Variants in USP43 observed in about 807,000 individuals in gnomAD.
USP43 encodes ubiquitin specific peptidase 43.
In USP43, 33 loss-of-function variants were observed where a neutral mutation model predicts 90.7. That is an observed-to-expected ratio of 0.36 (90% CI 0.28 to 0.49). The LOEUF is 0.49. USP43 is among the 20% of genes least tolerant of loss of function. The probability of loss-of-function intolerance (pLI) is 0.98; values close to 1 mark genes in which losing one functional copy is unlikely to be tolerated. For synonymous variants in USP43, 598 were observed against 615.8 expected, an observed-to-expected ratio of 0.97 and a Z score of 0.43; for missense variants, 1,274 against 1,476.4, an observed-to-expected ratio of 0.86 and a Z score of 2.25.
In USP43 at chr17:9,709,225, T is replaced by C. The variant is rs1163280206; in HGVS notation, c.2012-731T>C. Reference sequence around the variant, plus strand: ...TTCCTTAGACGTTTGACTTCAGTTCTTAGAAAGAGGTATGCCATAAGCCCA... The same window carrying C: ...TTCCTTAGACGTTTGACTTCAGTTCCTAGAAAGAGGTATGCCATAAGCCCA... On this transcript the variant is annotated intron_variant, in intron 12 of 14. Coordinates refer to ENST00000285199, the MANE Select transcript of USP43 (RefSeq NM_153210.5). The surrounding 1 kb of genome is among the most constrained non-coding windows in gnomAD (Gnocchi z 5.0). 6.6e-6 allele frequency among the ~76,000 whole-genome samples: 1 copy of C among 152,240 alleles called. No homozygotes were observed. The highest frequency in any genetic ancestry group is 6.5e-5 in the Admixed American group (1 of 15,280).
rs555413587 is a variant in USP43, at chr17:9,690,997, C to A, written c.1354-2130C>A. Among the ~76,000 whole-genome samples, 4 of 152,282 alleles carry A rather than the reference C, an allele frequency of 2.6e-5. No individual in the cohort carries two copies. In the East Asian group the frequency reaches 5.8e-4, roughly 22 times the overall value. Reference sequence around the variant, plus strand: ...TGTATGAATTTTCCTGTTTTAGGTACCTTATATAACTAGAATAATATAATA... The same window carrying A: ...TGTATGAATTTTCCTGTTTTAGGTAACTTATATAACTAGAATAATATAATA... On this transcript the variant is annotated intron_variant, in intron 8 of 14. Coordinates refer to ENST00000285199, the MANE Select transcript of USP43 (RefSeq NM_153210.5).
intron 14 of USP43, among the ~76,000 whole-genome samples, chr17:9,723,013 G>A (rs1480843880): frequency 6.6e-6 from 1 of 152,118 alleles, no homozygotes; most frequent in African/African-American, 2.4e-5. Context: ...TGGTTCATTC[G>A]AGTGTGTGTG....
At chr17:9,720,996 A>C (rs1274502465) in intron 14 of USP43, among the ~76,000 whole-genome samples, 1 of 152,246 alleles carries the variant, frequency 6.6e-6, no homozygotes, top group Non-Finnish European at 1.5e-5. Context: ...GATCATCATA[A>C]TAATGAAGGA....
intron 14 of USP43, among the ~76,000 whole-genome samples, chr17:9,726,963 A>G (rs528927760): frequency 3.9e-5 from 6 of 152,134 alleles, no homozygotes; most frequent in African/African-American, 1.4e-4. Flanking sequence ...GATGACTGAG[A>G]ATTTCTTTCT....
At chr17:9,646,181 C>G (rs1002902644) in intron 1 of USP43, 45 bp downstream of exon 1, 2 of 1,388,310 alleles carry the variant, frequency 1.4e-6, no homozygotes, top group Non-Finnish European at 1.9e-6. Flanking sequence ...CCTGGTTTCG[C>G]CTCTTGAAAA....
intron 8 of USP43, among the ~76,000 whole-genome samples, chr17:9,692,276 C>T (rs563867562): frequency 4.3e-4 from 64 of 149,680 alleles, no homozygotes; most frequent in Non-Finnish European, 7.3e-4. Context: ...GGAGAATCAC[C>T]TGAACTCAGG....
chr17:9,702,710 G>A (rs1384357546), intron 12 of USP43, among the ~76,000 whole-genome samples: 1 of 152,222 alleles, frequency 6.6e-6, no homozygotes, highest in Non-Finnish European at 1.5e-5. Context: ...ACGGTGAGAA[G>A]CCTATTGGTA....
At chr17:9,678,769 T>G (rs891232485) in intron 5 of USP43, among the ~76,000 whole-genome samples, 5 of 152,006 alleles carry the variant, frequency 3.3e-5, no homozygotes, top group Non-Finnish European at 7.4e-5. Context: ...TAGAAGATGA[T>G]TCTTTTACAT....
chr17:9,705,604 A>G (rs1390933807), intron 12 of USP43, among the ~76,000 whole-genome samples: 1 of 151,460 alleles, frequency 6.6e-6, no homozygotes, highest in Non-Finnish European at 1.5e-5. Context: ...AAAATACAAA[A>G]ATCAGCCAGG....
chr17:9,676,474 A>C (rs1335757655), intron 4 of USP43, among the ~76,000 whole-genome samples: 1 of 152,112 alleles, frequency 6.6e-6, no homozygotes, highest in Admixed American at 6.6e-5. Flanking sequence ...GGTTCAAGCG[A>C]TTCTCCTGCC....
chr17:9,709,948 C>T lies in USP43; in HGVS notation c.2012-8C>T. On this transcript the variant is annotated splice_polypyrimidine_tract_variant and splice_region_variant and intron_variant, in intron 12 of 14. Coordinates refer to ENST00000285199, the MANE Select transcript of USP43 (RefSeq NM_153210.5). The surrounding 1 kb of genome is among the most constrained non-coding windows in gnomAD (Gnocchi z 5.0). ...AATAACTCAGACTTGGGGATGGGACCTTTGCAGCCTACTGCCGGAACTCTC... is the reference window on the plus strand; with the variant it reads ...AATAACTCAGACTTGGGGATGGGACTTTTGCAGCCTACTGCCGGAACTCTC... 7.0e-7 allele frequency: 1 copy of T among 1,426,364 alleles called. No individual in the cohort carries two copies. Among genetic ancestry groups the T allele is most frequent in the Non-Finnish European group, 9.2e-7 (1 of 1,082,410 alleles). 88.4% of individuals were successfully genotyped at this position (1,426,364 alleles called of 1,614,324 possible).
At position 9,701,244 on chromosome 17, in the gene USP43, A is replaced by T. The variant is rs780643127; in HGVS notation, c.1661A>T (p.Gln554Leu). 6.2e-7 allele frequency: 1 copy of T among 1,606,934 alleles called. No individual in the cohort carries two copies. The highest frequency in any genetic ancestry group is 1.1e-5 in the South Asian group (1 of 89,778). Residue 554 changes from glutamine (Q) to leucine (L), a missense_variant and splice_region_variant, in exon 11 of 15, where the codon CAG becomes CTG. By Grantham distance (113) the Gln-to-Leu change is moderately radical. Transcript: ENST00000285199. The surrounding 1 kb of genome is among the most constrained non-coding windows in gnomAD (Gnocchi z 7.2). ...TTTCAGTTCTACACCAAGGAGGAGC[A>T]GGTCCCGCCCTGGGGGTCCATGCCC... is the stretch of plus-strand genomic sequence containing the variant. Reference protein sequence around the residue: ...ECFQFYTKEEQLAQDDAWKCP... With the variant: ...ECFQFYTKEELLAQDDAWKCP...
rs748465691 is a variant in USP43 at position 9,680,248 on chromosome 17, G to C, written c.987G>C (p.Leu329=). The change falls in exon 6 of 15, where the codon CTG becomes CTC. Residue 329 remains leucine, a synonymous_variant. Coordinates refer to ENST00000285199, the MANE Select transcript of USP43 (RefSeq NM_153210.5). The part of the protein sequence containing the change: ...VPADEVILVE[L]YPSGFQRSFF... ...CATTTCAGGTGATCTTGGTTGAACT[G>C]TATCCCAGTGGATTCCAGCGGTCTT... 3 of 1,613,716 alleles carry C rather than the reference G, an allele frequency of 1.9e-6. No individual in the cohort carries two copies. Among genetic ancestry groups the C allele is most frequent in the Non-Finnish European group, 2.5e-6 (3 of 1,179,756 alleles).
intron 14 of USP43, among the ~76,000 whole-genome samples, chr17:9,714,913 C>T (rs1179471247): frequency 6.6e-6 from 1 of 152,098 alleles, no homozygotes; most frequent in African/African-American, 2.4e-5. Flanking sequence ...GGGTAGATTC[C>T]ATCAGGCTGG....
chr17:9,690,207 T>C (rs535467931), intron 8 of USP43, among the ~76,000 whole-genome samples: 1 of 152,306 alleles, frequency 6.6e-6, no homozygotes, highest in Non-Finnish European at 1.5e-5. Context: ...GTCATTCCTC[T>C]TTCCTGGAAT....
chr17:9,658,358 A>G (rs1912408906), intron 2 of USP43, among the ~76,000 whole-genome samples: 1 of 152,064 alleles, frequency 6.6e-6, no homozygotes. Flanking sequence ...TAAAATGTCA[A>G]CTTACAACTT....
At chr17:9,666,130 G>A (rs575160654) in intron 2 of USP43, among the ~76,000 whole-genome samples, 26 of 152,308 alleles carry the variant, frequency 1.7e-4, no homozygotes, top group African/African-American at 6.0e-4. Context: ...AGTGAAGGAA[G>A]CTTGTGTACC....
chr17:9,660,249 C>A (rs1300143790), intron 2 of USP43, among the ~76,000 whole-genome samples: 2 of 152,176 alleles, frequency 1.3e-5, no homozygotes, highest in Admixed American at 6.5e-5. Flanking sequence ...CTCCCGGGTT[C>A]AAGAGATTCT....
chr17:9,656,693 C>T (rs2151963878), intron 2 of USP43, among the ~76,000 whole-genome samples, 159 bp downstream of exon 2: 1 of 152,336 alleles, frequency 6.6e-6, no homozygotes, highest in Admixed American at 6.5e-5. Context: ...CTTCTCTTAG[C>T]TGTGTTTGTT....
Sources: allele counts gnomAD v4.1 joint callset (sites outside exome capture counted in the v4.1 genomes callset), GRCh38; gene constraint gnomAD v4.1.1; non-coding constraint Gnocchi (gnomAD v3.1); transcripts MANE v1.5; gene names NCBI Gene and HGNC (gene_info 2026-07-23, HGNC 2026-07-21).